The following ADAMTS12 variants were observed in gnomAD, a reference collection of about 807,000 sequenced individuals.
ADAMTS12 encodes the protein A disintegrin and metalloproteinase with thrombospondin motifs 12.
Under a neutral mutation model 167.8 loss-of-function variants are expected in ADAMTS12, and 118 were observed. The observed-to-expected ratio is 0.70, with a 90% CI of 0.61 to 0.82. The LOEUF (loss-of-function observed/expected upper bound fraction) is 0.82. ADAMTS12 is among the 40% of genes least tolerant of loss of function. The pLI, the probability that ADAMTS12 is intolerant of heterozygous loss-of-function variation, is 0.00. For synonymous variants in ADAMTS12, 704 were observed against 716.9 expected, an observed-to-expected ratio of 0.98 and a Z score of 0.29; for missense variants, 1,916 against 1,998.8, an observed-to-expected ratio of 0.96 and a Z score of 0.79.
At chr5:33,765,318 G>C (rs1645298821) in intron 2 of ADAMTS12, among the ~76,000 whole-genome samples, 2 of 152,144 alleles carry the variant, frequency 1.3e-5, no homozygotes, top group African/African-American at 4.8e-5. Context: ...CTTCACCTGA[G>C]AGAATTAGTA....
intron 18 of ADAMTS12, among the ~76,000 whole-genome samples, chr5:33,578,797 A>G (rs751494403): frequency 6.6e-6 from 1 of 152,244 alleles, no homozygotes; most frequent in African/African-American, 2.4e-5. Context: ...TTTGAAAAGC[A>G]GATGCTGTGA....
chr5:33,707,308 C>T (rs1237879450), intron 3 of ADAMTS12, among the ~76,000 whole-genome samples: 4 of 151,366 alleles, frequency 2.6e-5, no homozygotes, highest in Admixed American at 6.6e-5. Flanking sequence ...AGAGAAGACA[C>T]AAATAAATGA....
At chr5:33,870,999 T>C (rs187237366) in intron 2 of ADAMTS12, among the ~76,000 whole-genome samples, 1 of 152,252 alleles carries the variant, frequency 6.6e-6, no homozygotes, top group Admixed American at 6.5e-5. Flanking sequence ...TTTATAGCCA[T>C]GTGACAATGA....
chr5:33,670,740 C>T (rs942262479), intron 5 of ADAMTS12, among the ~76,000 whole-genome samples: 1 of 152,166 alleles, frequency 6.6e-6, no homozygotes, highest in African/African-American at 2.4e-5. Context: ...GAGACTCTAT[C>T]TCAAAAAACA....
At chr5:33,821,553 A>T (rs1747866740) in intron 2 of ADAMTS12, among the ~76,000 whole-genome samples, 1 of 152,160 alleles carries the variant, frequency 6.6e-6, no homozygotes, top group Non-Finnish European at 1.5e-5. Flanking sequence ...TGCATTAAGA[A>T]ATTGCCCTCT....
At chr5:33,812,738 T>C (rs886704153) in intron 2 of ADAMTS12, among the ~76,000 whole-genome samples, 6 of 152,250 alleles carry the variant, frequency 3.9e-5, no homozygotes, top group African/African-American at 1.2e-4. Context: ...TATTCTATTG[T>C]TTGAATACAT....
At chr5:33,860,429 C>A (rs1442454314) in intron 2 of ADAMTS12, among the ~76,000 whole-genome samples, 1 of 151,784 alleles carries the variant, frequency 6.6e-6, no homozygotes, top group Non-Finnish European at 1.5e-5. Flanking sequence ...TGAAGATCAA[C>A]TTAATGAATA....
chr5:33,827,703 A>G (rs1748133395), intron 2 of ADAMTS12, among the ~76,000 whole-genome samples: 1 of 134,862 alleles, frequency 7.4e-6, no homozygotes, highest in African/African-American at 2.8e-5. Flanking sequence ...GTCCTTGGAG[A>G]AAACAAAATA....
chr5:33,548,384 T>C (rs1246242816), intron 21 of ADAMTS12, among the ~76,000 whole-genome samples: 1 of 152,192 alleles, frequency 6.6e-6, no homozygotes, highest in Non-Finnish European at 1.5e-5. Flanking sequence ...AGTCTCAATT[T>C]CTTCCCCTAT....
chr5:33,533,928 C>T (rs993192396), intron 23 of ADAMTS12, among the ~76,000 whole-genome samples: 1 of 152,192 alleles, frequency 6.6e-6, no homozygotes. Flanking sequence ...GGGCATTAGC[C>T]TTTCTCTCCT....
At chr5:33,693,202 C>A (rs887004408) in intron 3 of ADAMTS12, among the ~76,000 whole-genome samples, 4 of 152,136 alleles carry the variant, frequency 2.6e-5, no homozygotes, top group Non-Finnish European at 5.9e-5. Flanking sequence ...CCCAGATTGA[C>A]AAATGTTAAC....
At chr5:33,891,665 A>G in intron 1 of ADAMTS12, 65 bp downstream of exon 1, 1 of 1,604,978 alleles carries the variant, frequency 6.2e-7, no homozygotes, top group Non-Finnish European at 8.5e-7. Context: ...GGGAAAGGGG[A>G]GCAACAAAAT....
chr5:33,645,746 T>C (rs1740639879), intron 9 of ADAMTS12, among the ~76,000 whole-genome samples: 1 of 152,200 alleles, frequency 6.6e-6, no homozygotes, highest in African/African-American at 2.4e-5. Flanking sequence ...CTACATTTTC[T>C]GGTATTTTAG....
chr5:33,860,461 GA>G (rs1449066141), intron 2 of ADAMTS12, among the ~76,000 whole-genome samples: 1 of 151,964 alleles, frequency 6.6e-6, no homozygotes, highest in Non-Finnish European at 1.5e-5. Context: ...CAAGATGAGA[GA>G]AAAAAAGAAT....
chr5:33,552,553 C>T (rs1011285773), intron 20 of ADAMTS12, among the ~76,000 whole-genome samples: 6 of 152,216 alleles, frequency 3.9e-5, no homozygotes, highest in Non-Finnish European at 8.8e-5. Context: ...CCTTTCCAGC[C>T]TTTTCCTAAA....
intron 2 of ADAMTS12, among the ~76,000 whole-genome samples, chr5:33,783,955 T>A (rs1746238654): frequency 6.6e-6 from 1 of 151,726 alleles, no homozygotes; most frequent in Non-Finnish European, 1.5e-5. Flanking sequence ...TATAAAAATT[T>A]CAACAAAATA....
At chr5:33,689,302 A>T (rs1480780479) in intron 3 of ADAMTS12, among the ~76,000 whole-genome samples, 2 of 152,156 alleles carry the variant, frequency 1.3e-5, no homozygotes, top group African/African-American at 4.8e-5. Flanking sequence ...CCAGCATTTT[A>T]GCTGGTTTAG....
chr5:33,888,717 TA>T (rs1423696057), intron 1 of ADAMTS12, among the ~76,000 whole-genome samples: 3 of 152,200 alleles, frequency 2.0e-5, no homozygotes, highest in South Asian at 2.1e-4. Flanking sequence ...GTAAACAGCA[TA>T]GGGGTAAACA....
At chr5:33,871,408 A>G (rs1750033639) in intron 2 of ADAMTS12, among the ~76,000 whole-genome samples, 1 of 152,212 alleles carries the variant, frequency 6.6e-6, no homozygotes, top group East Asian at 1.9e-4. Flanking sequence ...AAAGAAAGGA[A>G]AACTACAAAA....
Sources: allele counts gnomAD v4.1 joint callset (sites outside exome capture counted in the v4.1 genomes callset), GRCh38; gene constraint gnomAD v4.1.1; transcripts MANE v1.5; gene names NCBI Gene and HGNC (gene_info 2026-07-23, HGNC 2026-07-21).